SPINDOC: variants seen among roughly 807,000 people sequenced by gnomAD.
The protein encoded by SPINDOC is spindlin interactor and repressor of chromatin-binding protein.
In SPINDOC, 13 loss-of-function variants were observed where a neutral mutation model predicts 30.7. The ratio of observed to expected loss-of-function variants is 0.42; its 90% CI spans 0.28 to 0.67. The LOEUF (loss-of-function observed/expected upper bound fraction) is 0.67. Ranked by LOEUF, SPINDOC falls within the 30% of genes least tolerant of loss-of-function variation. The pLI is 0.22. For synonymous variants in SPINDOC, 228 were observed against 211.4 expected, an observed-to-expected ratio of 1.08 and a Z score of -0.68; for missense variants, 438 against 518.0, an observed-to-expected ratio of 0.85 and a Z score of 1.50.
intron 1 of SPINDOC, among the ~76,000 whole-genome samples, chr11:63,814,714 C>T (rs911949974): frequency 6.6e-6 from 1 of 152,224 alleles, no homozygotes; most frequent in Non-Finnish European, 1.5e-5. Context: ...CCTGCACTGC[C>T]TGTCATCCTT....
At chr11:63,814,759 A>G (rs1316065743) in intron 1 of SPINDOC, among the ~76,000 whole-genome samples, 1 of 152,102 alleles carries the variant, frequency 6.6e-6, no homozygotes, top group Non-Finnish European at 1.5e-5. Flanking sequence ...TTCATGAGGG[A>G]AATAAAGGTC....
intron 5 of SPINDOC, among the ~76,000 whole-genome samples, chr11:63,819,460 C>T (rs1437229262): frequency 6.6e-6 from 1 of 151,542 alleles, no homozygotes; most frequent in East Asian, 1.9e-4. Flanking sequence ...ATCCAACTGC[C>T]TTGGCCTCGC....
At chr11:63,823,165 A>G in intron 5 of SPINDOC, 2 of 1,289,060 alleles carry the variant, frequency 1.6e-6, no homozygotes. Context: ...AAATCTTTAA[A>G]AACCAGGGGC....
At chr11:63,814,904 C>G (rs1232328410) in intron 1 of SPINDOC, among the ~76,000 whole-genome samples, 1 of 152,160 alleles carries the variant, frequency 6.6e-6, no homozygotes, top group East Asian at 1.9e-4. Flanking sequence ...TGGCCTTATC[C>G]CCACTGTTAG....
In SPINDOC at chr11:63,817,923, C is replaced by T. The variant is rs753304480; in HGVS notation, c.246C>T (p.Ser82=). The change falls in exon 2 of 6, where the codon AGC becomes AGT. Residue 82 remains serine, a synonymous_variant. Transcript: ENST00000294244. ...SWEQEFLVGS[S]PGGSGRALCM... ...AGCAGGAGTTCCTGGTGGGCAGCAGCCCAGGAGGCAGCGGGCGGGCACTGT... is the reference window on the plus strand; with the variant it reads ...AGCAGGAGTTCCTGGTGGGCAGCAGTCCAGGAGGCAGCGGGCGGGCACTGT... The T allele has an allele frequency of 1.9e-6, 3 of 1,614,062 alleles. No homozygotes were observed. The highest frequency in any genetic ancestry group is 2.2e-5 in the South Asian group (2 of 91,062).
rs201255365 is a variant in SPINDOC at position 63,818,374 on chromosome 11, A to G, written c.607+9A>G. The G allele has an allele frequency of 2.1e-3, 3,458 of 1,613,342 alleles. 5 individuals are homozygous for G. The highest frequency in any genetic ancestry group is 0.01 in the Admixed American group (618 of 59,988). ...CCCCCTCGAGCTTCCTGGTTAGTCA[A>G]CAGAGAAGCCAGTGAGCCCCGGTGG... On this transcript the variant is annotated intron_variant, in intron 3 of 5. Transcript: ENST00000294244. This position sits in a 1 kb window ranked among gnomAD's most constrained non-coding sequence, Gnocchi z 5.3.
chr11:63,819,360 G>A (rs547423290), intron 5 of SPINDOC, among the ~76,000 whole-genome samples: 2 of 152,164 alleles, frequency 1.3e-5, no homozygotes, highest in South Asian at 2.1e-4. Context: ...ACAGGCGTGC[G>A]CCACCATACC....
intron 5 of SPINDOC, chr11:63,823,451 G>T (rs748170496): frequency 8.9e-5 from 57 of 643,356 alleles, no homozygotes; most frequent in Non-Finnish European, 1.2e-4. Context: ...GAATGTGAAT[G>T]TGAGGTAGTC....
Position 63,827,148 on chromosome 11 carries a change from T to C in SPINDOC, c.*9T>C. 6.2e-7 allele frequency: 1 copy of C among 1,612,942 alleles called. No homozygotes were observed. The highest frequency in any genetic ancestry group is 8.5e-7 in the Non-Finnish European group (1 of 1,179,406). On this transcript the variant is annotated 3_prime_UTR_variant, in exon 6 of 6. Transcript: ENST00000294244. Reference sequence around the variant, plus strand: ...AAGGGAATGGAGTGTAAATTCTTGCTTTCCTGGGGAGGGAGGGAGGGATGA... The same window carrying C: ...AAGGGAATGGAGTGTAAATTCTTGCCTTCCTGGGGAGGGAGGGAGGGATGA...
At chr11:63,824,017 C>T (rs937024317) in intron 5 of SPINDOC, among the ~76,000 whole-genome samples, 1 of 152,060 alleles carries the variant, frequency 6.6e-6, no homozygotes, top group African/African-American at 2.4e-5. Flanking sequence ...AAGCGATTCT[C>T]CTTCCTCAGC....
At chr11:63,819,992 G>T (rs946431905) in intron 5 of SPINDOC, among the ~76,000 whole-genome samples, 3 of 152,212 alleles carry the variant, frequency 2.0e-5, no homozygotes, top group Non-Finnish European at 4.4e-5. Context: ...GGTGTCCAGA[G>T]AATAGATAAG....
intron 1 of SPINDOC, among the ~76,000 whole-genome samples, chr11:63,815,233 TGAG>T (rs1476514533): frequency 2.0e-5 from 3 of 152,154 alleles, no homozygotes; most frequent in African/African-American, 7.2e-5. Flanking sequence ...CCGAAGGAAG[TGAG>T]GATGCCAACC....
Position 63,813,554 on chromosome 11 carries a change from G to A in SPINDOC, c.-133G>A. On this transcript the variant is annotated 5_prime_UTR_variant, in exon 1 of 6. Coordinates refer to ENST00000294244, the MANE Select transcript of SPINDOC (RefSeq NM_138471.3). ...CCGGCCGGCGAGCGGCGGGCGGGCG[G>A]CGGGGAGGGGGCTGCGCGGGGCGGG... The A allele has an allele frequency of 1.3e-6, 1 of 742,958 alleles. No individual in the cohort carries two copies. Among genetic ancestry groups the A allele is most frequent in the Non-Finnish European group, 1.6e-6 (1 of 608,888 alleles). 46.0% of individuals were successfully genotyped at this position (742,958 alleles called of 1,614,324 possible).
At chr11:63,816,293 A>T (rs2015337068) in intron 1 of SPINDOC, among the ~76,000 whole-genome samples, 1 of 152,186 alleles carries the variant, frequency 6.6e-6, no homozygotes, top group African/African-American at 2.4e-5. Flanking sequence ...GAAGCAAAAG[A>T]AGAACCAACA....
At chr11:63,825,286 C>T (rs2135161590) in intron 5 of SPINDOC, among the ~76,000 whole-genome samples, 1 of 152,288 alleles carries the variant, frequency 6.6e-6, no homozygotes, top group East Asian at 1.9e-4. Context: ...ACTGGCCTTG[C>T]TGTTCCTGGG....
chr11:63,819,409 C>T (rs1008158903), intron 5 of SPINDOC, among the ~76,000 whole-genome samples: 32 of 150,694 alleles, frequency 2.1e-4, no homozygotes, highest in Admixed American at 2.1e-3. Flanking sequence ...CAGGGTTTTC[C>T]CATGTTGGCC....
Position 63,818,283 on chromosome 11 carries a change from C to T in SPINDOC, c.525C>T (p.Ile175=), listed in dbSNP as rs777329832. ...NPDAARMPAE[I]VVLLDSEDNP... is the part of the protein sequence containing the mutation. ...ACGCTGCCAGAATGCCAGCCGAAAT[C>T]GTCGTTCTCCTTGACTCTGAGGATA... is the stretch of plus-strand genomic sequence containing the variant. The change falls in exon 3 of 6, where the codon ATC becomes ATT. Residue 175 remains isoleucine (I), a synonymous_variant. Coordinates refer to ENST00000294244, the MANE Select transcript of SPINDOC (RefSeq NM_138471.3). This position sits in a 1 kb window ranked among gnomAD's most constrained non-coding sequence, Gnocchi z 5.3. 17 of 1,613,906 alleles carry T rather than the reference C, an allele frequency of 1.1e-5. No individual in the cohort carries two copies. Among genetic ancestry groups the T allele is most frequent in the African/African-American group, 5.3e-5 (4 of 74,874 alleles).
intron 5 of SPINDOC, chr11:63,822,680 T>C: frequency 7.8e-7 from 1 of 1,289,066 alleles, no homozygotes; most frequent in Non-Finnish European, 1.0e-6. Context: ...CCGAGTGTGC[T>C]GCTTGGACTT....
intron 5 of SPINDOC, chr11:63,822,451 T>C (rs926655321): frequency 1.1e-5 from 5 of 469,158 alleles, no homozygotes; most frequent in African/African-American, 8.1e-5. Flanking sequence ...ACAAAGTTTT[T>C]CTTTGTGTTC....
Sources: allele counts gnomAD v4.1 joint callset (sites outside exome capture counted in the v4.1 genomes callset), GRCh38; gene constraint gnomAD v4.1.1; non-coding constraint Gnocchi (gnomAD v3.1); transcripts MANE v1.5; gene names NCBI Gene and HGNC (gene_info 2026-07-23, HGNC 2026-07-21).